The following PHTF1 variants were observed in gnomAD, a reference collection of about 807,000 sequenced individuals.
PHTF1 encodes putative homeodomain transcription factor 1.
PHTF1 carries 88 observed loss-of-function variants against 102.4 expected under a neutral mutation model. The observed-to-expected ratio is 0.86, with a 90% CI of 0.72 to 1.03. The LOEUF (loss-of-function observed/expected upper bound fraction) is 1.03, where lower values mean the gene tolerates loss of function less well. Ranked by LOEUF, PHTF1 falls within the 50% of genes least tolerant of loss-of-function variation. The pLI is 0.00. For missense variants in PHTF1, 814 were observed against 909.5 expected (o/e 0.89, Z 1.35); for synonymous variants, 289 against 305.2 (o/e 0.95, Z 0.55).
intron 3 of PHTF1, among the ~76,000 whole-genome samples, chr1:113,754,558 G>A (rs906728239): frequency 6.6e-6 from 1 of 151,998 alleles, no homozygotes; most frequent in Non-Finnish European, 1.5e-5. Context: ...TTCTTTCCCT[G>A]TTTTACTTTG....
intron 15 of PHTF1, among the ~76,000 whole-genome samples, chr1:113,703,562 T>G (rs1649681658): frequency 6.6e-6 from 1 of 152,156 alleles, no homozygotes; most frequent in Non-Finnish European, 1.5e-5. Flanking sequence ...GTCCTCATTA[T>G]GTTGCCCAGG....
intron 10 of PHTF1, among the ~76,000 whole-genome samples, chr1:113,711,525 C>T (rs1306316156): frequency 1.3e-5 from 2 of 152,088 alleles, no homozygotes; most frequent in South Asian, 2.1e-4. Flanking sequence ...TCCTGCTGGG[C>T]ATCATCTGTG....
Position 113,710,402 on chromosome 1 carries a change from T to C in PHTF1, c.1121A>G (p.His374Arg), listed in dbSNP as rs1335901516. 1 of 1,614,066 alleles carries C rather than the reference T, an allele frequency of 6.2e-7. No individual in the cohort carries two copies. The highest frequency in any genetic ancestry group is 8.5e-7 in the Non-Finnish European group (1 of 1,180,020). ...TAACATGTCCTCAGTCTCCGAGTCATGGCGGGTGCTTTCTGAGTCTCTTCT... is the reference window on the plus strand; with the variant it reads ...TAACATGTCCTCAGTCTCCGAGTCACGGCGGGTGCTTTCTGAGTCTCTTCT... ...MSRRDSESTRHDSETEDMLWD... is the reference protein window; with the variant it reads ...MSRRDSESTRRDSETEDMLWD... The change falls in exon 11 of 19, where the codon CAT becomes CGT. Residue 374 changes from histidine (H) to arginine (R), a missense_variant. Physicochemically the swap from His to Arg is conservative, Grantham distance 29. Transcript: ENST00000369604.
intron 3 of PHTF1, among the ~76,000 whole-genome samples, chr1:113,743,951 T>C (rs1337595184): frequency 1.3e-5 from 2 of 152,190 alleles, no homozygotes; most frequent in African/African-American, 2.4e-5. Flanking sequence ...ACCACTACAC[T>C]ATCCTGCCTT....
intron 17 of PHTF1, among the ~76,000 whole-genome samples, chr1:113,698,618 T>TACACACACAC (rs766015256): frequency 6.0e-5 from 7 of 115,734 alleles, no homozygotes; most frequent in African/African-American, 2.0e-4. Context: ...TATATATATA[T>TACACACACAC]ATACACACAC....
chr1:113,700,680 G>A (rs1649338196), intron 16 of PHTF1, 114 bp downstream of exon 16: 2 of 923,748 alleles, frequency 2.2e-6, no homozygotes, highest in Non-Finnish European at 3.3e-6. Flanking sequence ...GTGAGGTCCT[G>A]TAGCTAGAAA....
At chr1:113,710,809 TA>T (rs367904586) in intron 10 of PHTF1, among the ~76,000 whole-genome samples, 3,101 of 88,224 alleles carry the variant, frequency 0.035, 52 homozygotes, top group Non-Finnish European at 0.043. Context: ...TATATATATA[TA>T]TTTTTTTTTT....
chr1:113,754,878 T>C (rs1331229629), intron 3 of PHTF1, among the ~76,000 whole-genome samples: 4 of 152,162 alleles, frequency 2.6e-5, no homozygotes, highest in Non-Finnish European at 5.9e-5. Flanking sequence ...TCTATCTATG[T>C]ACCTTATTCT....
chr1:113,758,784 T>C, intron 1 of PHTF1, 51 bp from the exon 2 acceptor site: 2 of 1,563,008 alleles, frequency 1.3e-6, no homozygotes, highest in Non-Finnish European at 1.7e-6. Flanking sequence ...AAGGTTACTC[T>C]CCCAGTTTGG....
At position 113,713,270 on chromosome 1, in the gene PHTF1, A is replaced by G. The variant is rs778432962; in HGVS notation, c.783+9T>C. ...AAAAAACCCCTTGTTAAATCCATCT[A>G]AATCTTACCCTACGGCACTTTTCTC... On this transcript the variant is annotated intron_variant, in intron 8 of 18. Coordinates refer to ENST00000369604, the MANE Select transcript of PHTF1 (RefSeq NM_001323043.2). 1 of 1,612,178 alleles carries G rather than the reference A, an allele frequency of 6.2e-7. No individual in the cohort carries two copies. Among genetic ancestry groups the G allele is most frequent in the South Asian group, 1.1e-5 (1 of 90,866 alleles).
chr1:113,720,687 T>A (rs1414116027), intron 7 of PHTF1, among the ~76,000 whole-genome samples: 1 of 152,170 alleles, frequency 6.6e-6, no homozygotes, highest in Non-Finnish European at 1.5e-5. Flanking sequence ...TATTGGTGGA[T>A]CTACCATTCT....
At chr1:113,728,030 G>T (rs553301882) in intron 5 of PHTF1, among the ~76,000 whole-genome samples, 10 of 152,142 alleles carry the variant, frequency 6.6e-5, no homozygotes, top group Non-Finnish European at 1.5e-4. Flanking sequence ...GTCACATCAA[G>T]ATAAACCAAG....
At chr1:113,720,017 C>T (rs1174082052) in intron 7 of PHTF1, among the ~76,000 whole-genome samples, 13 of 152,120 alleles carry the variant, frequency 8.5e-5, no homozygotes, top group Non-Finnish European at 7.3e-5. Context: ...TTCACTATCA[C>T]GAGACTAGCA....
chr1:113,720,531 C>CGTA (rs1652755708), intron 7 of PHTF1, among the ~76,000 whole-genome samples: 2 of 152,156 alleles, frequency 1.3e-5, no homozygotes, highest in Admixed American at 1.3e-4. Context: ...AGGGATATAC[C>CGTA]ATATTATAGC....
rs774192094 is a variant in PHTF1 at position 113,710,229 on chromosome 1, C to T, written c.1269+25G>A. ...ACAGTAAGAACACAATAAATACTAG[C>T]TATTCTTATCATGTCTGCACAGACC... On this transcript the variant is annotated intron_variant, in intron 11 of 18. Coordinates refer to ENST00000369604, the MANE Select transcript of PHTF1 (RefSeq NM_001323043.2). The T allele has an allele frequency of 2.0e-6, 3 of 1,508,392 alleles. No homozygotes were observed. The South Asian group carries it at 3.4e-5, about 17-fold the overall frequency. The allele number at this position is 1,508,392 out of a possible 1,614,324, so 93.4% of individuals were successfully genotyped here. A position where few individuals can be genotyped will look rare whatever the true frequency, so the allele number is the denominator to read the frequency against.
Position 113,724,842 on chromosome 1 carries a change from G to C in PHTF1, c.540C>G (p.Asn180Lys). Reference sequence around the variant, plus strand: ...CTATTCCTCTGACTTTATCAGAGGAGTTATTTCCATTTTCTCGGCTCCCAT... The same window carrying C: ...CTATTCCTCTGACTTTATCAGAGGACTTATTTCCATTTTCTCGGCTCCCAT... ...NGDGSRENGN[N>K]SSDKVRGIET... Residue 180 changes from asparagine (N) to lysine (K), a missense_variant, in exon 7 of 19, where the codon AAC becomes AAG. Asn to Lys is a moderately conservative substitution (Grantham distance 94, BLOSUM62 0). Transcript: ENST00000369604. 3 of 1,607,368 alleles carry C rather than the reference G, an allele frequency of 1.9e-6. No homozygotes were observed. In the Middle Eastern group the frequency reaches 5.0e-4, roughly 266 times the overall value.
At chr1:113,706,902 G>T (rs1338110850) in intron 11 of PHTF1, among the ~76,000 whole-genome samples, 180 bp from the exon 12 acceptor site, 1 of 138,170 alleles carries the variant, frequency 7.2e-6, no homozygotes, top group African/African-American at 2.7e-5. Flanking sequence ...ATGTTGCCCA[G>T]GCTGGTCTCA....
At chr1:113,736,210 C>T (rs376711987) in intron 5 of PHTF1, among the ~76,000 whole-genome samples, 11 of 151,674 alleles carry the variant, frequency 7.3e-5, no homozygotes, top group South Asian at 2.1e-4. Context: ...GGCGTGGTGG[C>T]GGGTGCCTGT....
chr1:113,724,305 T>C (rs1016064095), intron 7 of PHTF1, among the ~76,000 whole-genome samples: 2 of 152,086 alleles, frequency 1.3e-5, no homozygotes, highest in African/African-American at 4.8e-5. Flanking sequence ...CCAGGTGTGA[T>C]GGCTCATGCC....
Sources: allele counts gnomAD v4.1 joint callset (sites outside exome capture counted in the v4.1 genomes callset), GRCh38; gene constraint gnomAD v4.1.1; transcripts MANE v1.5; gene names NCBI Gene and HGNC (gene_info 2026-07-23, HGNC 2026-07-21).